Variants in EFCAB3 observed in about 807,000 individuals in gnomAD.
EFCAB3 encodes the protein EF-hand calcium binding domain 3.
Under a neutral mutation model 42.2 loss-of-function variants are expected in EFCAB3, and 36 were observed. The observed-to-expected ratio is 0.85, with a 90% CI of 0.65 to 1.13. The LOEUF (loss-of-function observed/expected upper bound fraction) is 1.13. Ranked by LOEUF, EFCAB3 falls within the 50% of genes most tolerant of loss-of-function variation. The pLI, the probability that EFCAB3 is intolerant of heterozygous loss-of-function variation, is 0.00. For synonymous variants in EFCAB3, 170 were observed against 172.8 expected, an observed-to-expected ratio of 0.98 and a Z score of 0.13; for missense variants, 418 against 505.1, an observed-to-expected ratio of 0.83 and a Z score of 1.65.
chr17:62,384,748 T>G (rs1371373389), intron 2 of EFCAB3, among the ~76,000 whole-genome samples: 1 of 152,264 alleles, frequency 6.6e-6, no homozygotes, highest in Non-Finnish European at 1.5e-5. Flanking sequence ...GAAATACAGA[T>G]GGTCCCCAAC....
At chr17:62,403,312 G>T (rs556095511) in intron 6 of EFCAB3, among the ~76,000 whole-genome samples, 22 of 152,240 alleles carry the variant, frequency 1.4e-4, no homozygotes, top group South Asian at 4.2e-4. Flanking sequence ...TGAAAGCAAT[G>T]CATTTCTCTC....
At chr17:62,398,913 A>G (rs1202487033) in intron 6 of EFCAB3, among the ~76,000 whole-genome samples, 1 of 152,148 alleles carries the variant, frequency 6.6e-6, no homozygotes, top group Admixed American at 6.6e-5. Context: ...CATAGTTGAC[A>G]CCGTTTATTG....
At chr17:62,377,860 A>AT (rs1390956418), upstream of EFCAB3, 2 of 847,244 alleles carry the variant, frequency 2.4e-6, no homozygotes, top group African/African-American at 1.7e-5. Context: ...CATTTTCTTA[A>AT]TTTTTTCACT....
At chr17:62,395,870 C>T (rs761397056) in intron 6 of EFCAB3, among the ~76,000 whole-genome samples, 2 of 152,102 alleles carry the variant, frequency 1.3e-5, no homozygotes, top group Admixed American at 6.6e-5. Flanking sequence ...ATTCCAGTCT[C>T]CCACCTAGAG....
In EFCAB3 at chr17:62,416,061, T is replaced by A; in HGVS notation, c.1049T>A (p.Met350Lys). The A allele has an allele frequency of 6.2e-7, 1 of 1,613,996 alleles. No individual in the cohort carries two copies. The highest frequency in any genetic ancestry group is 8.5e-7 in the Non-Finnish European group (1 of 1,179,878). The change falls in exon 10 of 10, where the codon ATG (methionine) becomes AAG (lysine). Residue 350 changes from methionine (M) to lysine (K), a missense_variant. Transcript: ENST00000305286. ...ATTGCCCTTGAACACCGAAAAGAGA[T>A]GCTAAACCTCTGGCAGAAGATCCGA... is the stretch of plus-strand genomic sequence containing the variant. ...LGIALEHRKE[M>K]LNLWQKIRGD...
intron 3 of EFCAB3, among the ~76,000 whole-genome samples, chr17:62,391,066 T>C (rs1360598570): frequency 6.6e-6 from 1 of 152,158 alleles, no homozygotes; most frequent in East Asian, 1.9e-4. Context: ...GCCACAAACA[T>C]AACAGCTTAA....
At chr17:62,396,785 A>T (rs184259205) in intron 6 of EFCAB3, among the ~76,000 whole-genome samples, 3 of 151,908 alleles carry the variant, frequency 2.0e-5, no homozygotes, top group Admixed American at 6.6e-5. Flanking sequence ...CAAGCTATTC[A>T]AGAAGCTCAT....
intron 1 of EFCAB3, among the ~76,000 whole-genome samples, chr17:62,370,952 C>T (rs143297494): frequency 9.2e-5 from 14 of 151,926 alleles, no homozygotes; most frequent in African/African-American, 2.9e-4. Context: ...ATTATCCAGG[C>T]GTGATGGCAC....
intron 8 of EFCAB3, among the ~76,000 whole-genome samples, chr17:62,411,253 A>G (rs2070492672): frequency 6.6e-6 from 1 of 152,236 alleles, no homozygotes; most frequent in Non-Finnish European, 1.5e-5. Flanking sequence ...GAGTATCATA[A>G]TTTGATATAG....
At chr17:62,413,570 A>G (rs1415434425) in intron 8 of EFCAB3, among the ~76,000 whole-genome samples, 162 bp from the exon 9 acceptor site, 1 of 152,156 alleles carries the variant, frequency 6.6e-6, no homozygotes, top group Non-Finnish European at 1.5e-5. Context: ...CTCCTGAGGG[A>G]CCCGGAAAAA....
At position 62,398,734 on chromosome 17, in the gene EFCAB3, T is replaced by C. The variant is rs138214416; in HGVS notation, c.488+3546T>C. Among the ~76,000 whole-genome samples, 581 of 152,114 alleles carry C rather than the reference T, an allele frequency of 3.8e-3. 2 individuals are homozygous for C. The highest frequency in any genetic ancestry group is 0.013 in the African/African-American group (558 of 41,502). On this transcript the variant is annotated intron_variant, in intron 6 of 9. Coordinates refer to ENST00000305286, the MANE Select transcript of EFCAB3 (RefSeq NM_173503.4). Reference sequence around the variant, plus strand: ...ACACACACACACACATATATATATGTATAAATGGAGAGAGAAGTCAGAAAT... The same window carrying C: ...ACACACACACACACATATATATATGCATAAATGGAGAGAGAAGTCAGAAAT...
At chr17:62,374,730 A>G (rs189816576) in intron 2 of EFCAB3, among the ~76,000 whole-genome samples, 38 of 152,296 alleles carry the variant, frequency 2.5e-4, no homozygotes, top group African/African-American at 8.4e-4. Context: ...ATTTTTAAGT[A>G]ATCTTGATTT....
upstream of EFCAB3, among the ~76,000 whole-genome samples, chr17:62,378,213 C>T (rs572240307): frequency 6.6e-6 from 1 of 152,294 alleles, no homozygotes; most frequent in South Asian, 2.1e-4. Context: ...TAGTCCACAC[C>T]ACACTGAATC....
In EFCAB3 at chr17:62,387,428, C is replaced by A; in HGVS notation, c.151+12C>A. 1.2e-6 allele frequency: 2 copies of A among 1,605,756 alleles called. No individual in the cohort carries two copies. Among genetic ancestry groups the A allele is most frequent in the South Asian group, 2.2e-5 (2 of 90,698 alleles). ...TTCACAAATGGCAGGTAATGAGAAT[C>A]ATCCTCAAAATTGAAGCATAACAGC... is the stretch of plus-strand genomic sequence containing the variant. On this transcript the variant is annotated intron_variant, in intron 3 of 9. Transcript: ENST00000305286.
chr17:62,387,449 A>G (rs192207525), intron 3 of EFCAB3, 33 bp downstream of exon 3: 1 of 1,550,116 alleles, frequency 6.5e-7, no homozygotes, highest in African/African-American at 1.4e-5. Flanking sequence ...TTGAAGCATA[A>G]CAGCTCCTTA....
intron 5 of EFCAB3, 92 bp from the exon 6 acceptor site, chr17:62,394,976 T>C (rs1033083811): frequency 1.3e-6 from 2 of 1,499,834 alleles, no homozygotes; most frequent in Admixed American, 2.1e-5. Flanking sequence ...GTTCCTGACT[T>C]GATATTATTA....
chr17:62,411,236 A>G lies in EFCAB3; in HGVS notation c.868-2496A>G, dbSNP rs1035035504. 5.9e-5 allele frequency among the ~76,000 whole-genome samples: 9 copies of G among 152,344 alleles called. No individual in the cohort carries two copies. The East Asian group carries it at 1.7e-3, about 29-fold the overall frequency. On this transcript the variant is annotated intron_variant, in intron 8 of 9. Coordinates refer to ENST00000305286, the MANE Select transcript of EFCAB3 (RefSeq NM_173503.4). ...ACTCTCAAAAAAAGTCAGTAGGTAA[A>G]CAAGAGGAGTATCATAATTTGATAT...
At chr17:62,408,434 AC>A (rs2070466740) in intron 8 of EFCAB3, among the ~76,000 whole-genome samples, 1 of 152,172 alleles carries the variant, frequency 6.6e-6, no homozygotes. Flanking sequence ...TCAGATTGAA[AC>A]CCTCCAATGG....
At chr17:62,376,199 A>C (rs1183895793), upstream of EFCAB3, among the ~76,000 whole-genome samples, 1 of 152,194 alleles carries the variant, frequency 6.6e-6, no homozygotes, top group East Asian at 1.9e-4. Context: ...TTGGCTGGGC[A>C]CGGTGGCTCA....
Sources: allele counts gnomAD v4.1 joint callset (sites outside exome capture counted in the v4.1 genomes callset), GRCh38; gene constraint gnomAD v4.1.1; transcripts MANE v1.5; gene names NCBI Gene and HGNC (gene_info 2026-07-23, HGNC 2026-07-21).